Variants in PARD3 observed in about 807,000 individuals in gnomAD.
PARD3 encodes the protein partitioning defective 3 homolog.
Under a neutral mutation model 155.4 loss-of-function variants are expected in PARD3, and 75 were observed. The ratio of observed to expected loss-of-function variants is 0.48; its 90% CI spans 0.40 to 0.58. The LOEUF (loss-of-function observed/expected upper bound fraction) is 0.58. PARD3 is among the 20% of genes least tolerant of loss of function. The probability of loss-of-function intolerance (pLI) is 0.00; values close to 1 mark genes in which losing one functional copy is unlikely to be tolerated. For synonymous variants in PARD3, 576 were observed against 610.5 expected (o/e 0.94, Z 0.83); for missense variants, 1,642 against 1,721.7 (o/e 0.95, Z 0.82).
At chr10:34,540,623 T>G (rs947800349) in intron 2 of PARD3, among the ~76,000 whole-genome samples, 1 of 151,718 alleles carries the variant, frequency 6.6e-6, no homozygotes, top group Non-Finnish European at 1.5e-5. Context: ...CAAACAAAAA[T>G]AGAAATATTA....
chr10:34,281,963 GTTTA>G (rs1349931748), intron 21 of PARD3, among the ~76,000 whole-genome samples: 1 of 152,002 alleles, frequency 6.6e-6, no homozygotes, highest in Admixed American at 6.6e-5. Context: ...ATAAGTAGTG[GTTTA>G]TTTATTTTTA....
At chr10:34,739,395 G>A (rs2094968782) in intron 1 of PARD3, among the ~76,000 whole-genome samples, 1 of 152,212 alleles carries the variant, frequency 6.6e-6, no homozygotes, top group Non-Finnish European at 1.5e-5. Flanking sequence ...CCAGAGGGCT[G>A]TTCAAGAAAT....
At chr10:34,519,438 A>T (rs2081989731) in intron 2 of PARD3, among the ~76,000 whole-genome samples, 1 of 152,182 alleles carries the variant, frequency 6.6e-6, no homozygotes. Flanking sequence ...TAATATTTTT[A>T]AAAAGCTATA....
intron 2 of PARD3, among the ~76,000 whole-genome samples, chr10:34,584,586 C>T (rs2087823281): frequency 6.6e-6 from 1 of 152,146 alleles, no homozygotes; most frequent in South Asian, 2.1e-4. Context: ...AGCGGAGTTT[C>T]CTAATAATTC....
At chr10:34,795,687 G>A (rs1332621130) in intron 1 of PARD3, among the ~76,000 whole-genome samples, 1 of 151,852 alleles carries the variant, frequency 6.6e-6, no homozygotes. Context: ...CTGAGGTAGG[G>A]AGTTCAAGAC....
At chr10:34,449,176 C>CA (rs2076921509) in intron 5 of PARD3, among the ~76,000 whole-genome samples, 1 of 151,900 alleles carries the variant, frequency 6.6e-6, no homozygotes. Flanking sequence ...CTCAGCCTCC[C>CA]AAAGTGCTGG....
At chr10:34,801,221 C>T (rs969591924) in intron 1 of PARD3, among the ~76,000 whole-genome samples, 13 of 152,124 alleles carry the variant, frequency 8.5e-5, no homozygotes, top group Admixed American at 5.9e-4. Context: ...GAAACTAAAA[C>T]TTGGAATTTC....
At chr10:34,814,154 T>C (rs1844577984) in intron 1 of PARD3, among the ~76,000 whole-genome samples, 1 of 152,286 alleles carries the variant, frequency 6.6e-6, no homozygotes, top group Non-Finnish European at 1.5e-5. Context: ...TCCAAGGTTG[T>C]GCTTTCCAGA....
At chr10:34,812,740 G>A (rs1844351747) in intron 1 of PARD3, among the ~76,000 whole-genome samples, 1 of 151,962 alleles carries the variant, frequency 6.6e-6, no homozygotes, top group South Asian at 2.1e-4. Flanking sequence ...TGGAACCCCT[G>A]ACCCATCTCT....
At chr10:34,806,197 A>ACT (rs570042072) in intron 1 of PARD3, among the ~76,000 whole-genome samples, 2 of 130,344 alleles carry the variant, frequency 1.5e-5, no homozygotes, top group African/African-American at 5.7e-5. Flanking sequence ...TGTCTGGCTA[A>ACT]TTTTTTTTTT....
intron 1 of PARD3, among the ~76,000 whole-genome samples, chr10:34,806,672 T>C (rs1477021427): frequency 1.3e-5 from 2 of 152,294 alleles, no homozygotes; most frequent in East Asian, 3.9e-4. Context: ...TAGCATCCAT[T>C]TGACCTGGAG....
intron 1 of PARD3, among the ~76,000 whole-genome samples, chr10:34,706,042 T>A (rs1336205489): frequency 1.3e-5 from 2 of 151,936 alleles, no homozygotes; most frequent in Admixed American, 1.3e-4. Flanking sequence ...GTCCTTCAAC[T>A]CCTCCACCAT....
chr10:34,383,390 T>TAC (rs3040371), intron 8 of PARD3, among the ~76,000 whole-genome samples: 2,824 of 150,232 alleles, frequency 0.019, 30 homozygotes, highest in Non-Finnish European at 0.027. Flanking sequence ...ATTTTTAAAA[T>TAC]ACACACACAC....
chr10:34,317,680 C>T (rs1405315342), intron 19 of PARD3, among the ~76,000 whole-genome samples: 2 of 152,160 alleles, frequency 1.3e-5, no homozygotes, highest in East Asian at 3.9e-4. Flanking sequence ...CTCTAAGGGT[C>T]CCGTGTACTA....
At chr10:34,561,963 C>G (rs1214565885) in intron 2 of PARD3, among the ~76,000 whole-genome samples, 1 of 150,998 alleles carries the variant, frequency 6.6e-6, no homozygotes, top group Non-Finnish European at 1.5e-5. Flanking sequence ...GAAACCCCAT[C>G]TCTACTAAAA....
chr10:34,358,014 T>G (rs1354195783), intron 14 of PARD3, among the ~76,000 whole-genome samples: 1 of 152,216 alleles, frequency 6.6e-6, no homozygotes, highest in African/African-American at 2.4e-5. Context: ...TTAAACAACT[T>G]AGGTATAATT....
chr10:34,371,048 A>T (rs961412878), intron 12 of PARD3, among the ~76,000 whole-genome samples: 1 of 152,046 alleles, frequency 6.6e-6, no homozygotes, highest in South Asian at 2.1e-4. Context: ...TGTAACCCTT[A>T]ATCTGTTTAA....
chr10:34,186,881 A>G (rs2786551), intron 22 of PARD3, among the ~76,000 whole-genome samples: 68,127 of 151,990 alleles, frequency 0.45, 15,617 homozygotes, highest in Non-Finnish European at 0.49. Flanking sequence ...GCAGGGCTTC[A>G]TTTTTCTTGG....
rs558243186 is a variant in PARD3 at position 34,285,154 on chromosome 10, A to G, written c.3066-909T>C. ...TGCACTGGTCACCAGATGTTTCAAA[A>G]AAGAAATATTTTATAGACAGTCACA... On this transcript the variant is annotated intron_variant, in intron 20 of 24. Transcript: ENST00000374788. 2.6e-5 allele frequency among the ~76,000 whole-genome samples: 4 copies of G among 152,360 alleles called. No homozygotes were observed. In the South Asian group the frequency reaches 8.3e-4, roughly 32 times the overall value.
Sources: allele counts gnomAD v4.1 joint callset (sites outside exome capture counted in the v4.1 genomes callset), GRCh38; gene constraint gnomAD v4.1.1; transcripts MANE v1.5; gene names NCBI Gene and HGNC (gene_info 2026-07-23, HGNC 2026-07-21).